The following APLF variants were observed in gnomAD, a reference collection of about 807,000 sequenced individuals.
APLF encodes the protein aprataxin and PNK-like factor.
APLF carries 61 observed loss-of-function variants against 55.6 expected under a neutral mutation model. The observed-to-expected ratio is 1.10, with a 90% CI of 0.89 to 1.36. The LOEUF is 1.36. Among genes scored for constraint, APLF ranks in the 40% most tolerant of loss-of-function variants. The pLI, the probability that APLF is intolerant of heterozygous loss-of-function variation, is 0.00. For synonymous variants in APLF, 207 were observed against 214.8 expected, an observed-to-expected ratio of 0.96 and a Z score of 0.32; for missense variants, 611 against 602.5, an observed-to-expected ratio of 1.01 and a Z score of -0.15.
chr2:68,520,830 A>T (rs1669877348), intron 5 of APLF, among the ~76,000 whole-genome samples: 1 of 151,542 alleles, frequency 6.6e-6, no homozygotes, highest in African/African-American at 2.4e-5. Context: ...GAATTTTGGG[A>T]TTGTTTTTTC....
At chr2:68,527,337 G>A (rs1573222660) in intron 6 of APLF, among the ~76,000 whole-genome samples, 1 of 151,974 alleles carries the variant, frequency 6.6e-6, no homozygotes, top group African/African-American at 2.4e-5. Flanking sequence ...AGACGGTGAG[G>A]AGGCGGGGCA....
intron 2 of APLF, among the ~76,000 whole-genome samples, chr2:68,494,273 G>A (rs1363218814): frequency 2.3e-4 from 21 of 89,860 alleles, no homozygotes; most frequent in African/African-American, 3.4e-4. Flanking sequence ...GTGAGACCCC[G>A]TCTCAAAAAA....
chr2:68,499,034 A>G (rs1388863192), intron 2 of APLF, among the ~76,000 whole-genome samples: 1 of 152,106 alleles, frequency 6.6e-6, no homozygotes, highest in Non-Finnish European at 1.5e-5. Flanking sequence ...AGCTTTCCAA[A>G]TTAAACAAAC....
rs1261607569 is a variant in APLF, at chr2:68,567,363, G to T, written c.1309G>T (p.Glu437Ter). 6.2e-7 allele frequency: 1 copy of T among 1,605,550 alleles called. No individual in the cohort carries two copies. Among genetic ancestry groups the T allele is most frequent in the Non-Finnish European group, 8.5e-7 (1 of 1,176,142 alleles). The stretch of plus-strand genomic sequence containing the variant: ...CAGGAAGAATCCCCAGCACAAGATA[G>T]AATATAGACATAATACGCTTCCAGG... ...CYRKNPQHKI[E>*]YRHNTLPVRN... The change falls in exon 9 of 10, where the codon GAA becomes TAA. Residue 437 changes from glutamate (E) to a stop codon, truncating the protein, a stop_gained. Transcript: ENST00000303795. LOFTEE classifies it high-confidence loss of function.
rs1458900208 is a variant in APLF at position 68,526,222 on chromosome 2, G to A, written c.784G>A (p.Glu262Lys). 6.2e-7 allele frequency: 1 copy of A among 1,607,314 alleles called. No individual in the cohort carries two copies. Residue 262 changes from glutamate (E) to lysine (K), a missense_variant, in exon 6 of 10, where the codon GAG becomes AAG. Transcript: ENST00000303795. Reference sequence around the variant, plus strand: ...AGAGTGCAAAAATACTGATCAGGAAGAGTCTACCATTTCATCCAAGGTGAT... The same window carrying A: ...AGAGTGCAAAAATACTGATCAGGAAAAGTCTACCATTTCATCCAAGGTGAT... ...GEECKNTDQE[E>K]STISSKEMPQ...
At chr2:68,559,217 G>C (rs1203923393) in intron 8 of APLF, among the ~76,000 whole-genome samples, 1 of 152,130 alleles carries the variant, frequency 6.6e-6, no homozygotes, top group African/African-American at 2.4e-5. Context: ...TCACTGTGGA[G>C]AGATCTAGAG....
intron 8 of APLF, among the ~76,000 whole-genome samples, chr2:68,549,729 A>G (rs1229687390): frequency 6.6e-6 from 1 of 152,124 alleles, no homozygotes; most frequent in Non-Finnish European, 1.5e-5. Flanking sequence ...TGGTTCTACT[A>G]GTTACTGAGA....
At chr2:68,544,682 C>A (rs1670650841) in intron 7 of APLF, among the ~76,000 whole-genome samples, 1 of 151,786 alleles carries the variant, frequency 6.6e-6, no homozygotes, top group Admixed American at 6.6e-5. Context: ...AGTCTTGAGA[C>A]CGAAAAGTTT....
chr2:68,497,649 C>T (rs1013498822), intron 2 of APLF, among the ~76,000 whole-genome samples: 3 of 151,598 alleles, frequency 2.0e-5, no homozygotes, highest in African/African-American at 7.3e-5. Context: ...GGGAGGTGCC[C>T]ACTCTGTATT....
intron 7 of APLF, among the ~76,000 whole-genome samples, chr2:68,541,704 G>A (rs558307814): frequency 3.9e-5 from 6 of 152,194 alleles, no homozygotes; most frequent in Non-Finnish European, 7.4e-5. Flanking sequence ...AGACAGCACA[G>A]GCAGTGAAGA....
intron 3 of APLF, among the ~76,000 whole-genome samples, chr2:68,505,448 T>C (rs1199279675): frequency 6.6e-6 from 1 of 152,034 alleles, no homozygotes; most frequent in Non-Finnish European, 1.5e-5. Flanking sequence ...TGTCACACTT[T>C]AAATTTATCA....
intron 9 of APLF, among the ~76,000 whole-genome samples, chr2:68,574,869 T>C (rs2104085541): frequency 6.6e-6 from 1 of 152,326 alleles, no homozygotes; most frequent in Middle Eastern, 3.4e-3. Context: ...AAATAAGAGT[T>C]TCTGTAAAAC....
chr2:68,568,267 C>G, intron 9 of APLF: 1 of 985,282 alleles, frequency 1.0e-6, no homozygotes, highest in African/African-American at 1.7e-5. Flanking sequence ...TTTCTGCTCA[C>G]AGAATGAGAA....
chr2:68,481,052 A>G (rs762892851), intron 1 of APLF, among the ~76,000 whole-genome samples: 11 of 152,140 alleles, frequency 7.2e-5, no homozygotes, highest in Non-Finnish European at 1.6e-4. Context: ...TATGTTCATC[A>G]GGGATGTTGA....
At chr2:68,481,113 G>T (rs1056984599) in intron 1 of APLF, among the ~76,000 whole-genome samples, 2 of 152,142 alleles carry the variant, frequency 1.3e-5, no homozygotes, top group Non-Finnish European at 2.9e-5. Flanking sequence ...TGGTTTCAGG[G>T]TAATACTGGC....
chr2:68,496,217 T>G lies in APLF; in HGVS notation c.168+5956T>G, dbSNP rs556288612. On this transcript the variant is annotated intron_variant, in intron 2 of 9. Coordinates refer to ENST00000303795, the MANE Select transcript of APLF (RefSeq NM_173545.3). ...CCTGGGTTCAAGCAGTTCTCCTGCC[T>G]CAGCCTCCCAAGTAGCTGGGACTAC... Among the ~76,000 whole-genome samples, 20 of 152,366 alleles carry G rather than the reference T, an allele frequency of 1.3e-4. No individual in the cohort carries two copies. In the East Asian group the frequency reaches 1.9e-3, roughly 15 times the overall value.
intron 7 of APLF, among the ~76,000 whole-genome samples, chr2:68,540,484 T>C (rs2104009555): frequency 6.6e-6 from 1 of 152,306 alleles, no homozygotes; most frequent in East Asian, 1.9e-4. Flanking sequence ...TTAGCATGTA[T>C]CTTTATGGTA....
At chr2:68,572,101 A>T (rs187545640) in intron 9 of APLF, among the ~76,000 whole-genome samples, 2 of 140,124 alleles carry the variant, frequency 1.4e-5, no homozygotes, top group East Asian at 3.9e-4. Flanking sequence ...AAAACTATTA[A>T]GGAGGCTTAG....
In APLF at chr2:68,577,974, T is replaced by A. The variant is rs764408194; in HGVS notation, c.1488T>A (p.Asp496Glu). Residue 496 changes from aspartate (D) to glutamate (E), a missense_variant, in exon 10 of 10, where the codon GAT becomes GAA. Transcript: ENST00000303795. ...GAAAGGAAGATGAAGAGAAGGAAGA[T>A]GTGGAAGAGCTTTTGAAAGAAGCAA... ...EPGKEDEEKE[D>E]VEELLKEAKR... 6.2e-7 allele frequency: 1 copy of A among 1,613,426 alleles called. No homozygotes were observed. The highest frequency in any genetic ancestry group is 1.1e-5 in the South Asian group (1 of 91,048).
Sources: gnomAD v4.1 joint callset for allele counts (sites outside exome capture counted in the v4.1 genomes callset) on GRCh38, gnomAD v4.1.1 for gene constraint, MANE v1.5 for transcripts, NCBI Gene and HGNC (gene_info 2026-07-23, HGNC 2026-07-21) for gene names.